The following DOCK5 variants were observed in gnomAD, a reference collection of about 807,000 sequenced individuals.
The protein encoded by DOCK5 is dedicator of cytokinesis 5.
In DOCK5, 142 loss-of-function variants were observed where a neutral mutation model predicts 251.8. The observed-to-expected ratio is 0.56, with a 90% CI of 0.49 to 0.65. DOCK5 has a LOEUF of 0.65. Among genes scored for constraint, DOCK5 ranks in the 30% least tolerant of loss-of-function variants. The pLI is 0.00. For missense variants in DOCK5, 2,111 were observed against 2,312.3 expected (o/e 0.91, Z 1.79); for synonymous variants, 842 against 835.5 (o/e 1.01, Z -0.13).
intron 1 of DOCK5, among the ~76,000 whole-genome samples, chr8:25,220,874 G>T (rs1319913460): frequency 2.0e-5 from 3 of 152,130 alleles, no homozygotes; most frequent in African/African-American, 7.2e-5. Context: ...AAGGTGCTGG[G>T]ATTACAGGCA....
intron 2 of DOCK5, among the ~76,000 whole-genome samples, chr8:25,244,970 T>C (rs933499027): frequency 2.6e-5 from 4 of 152,218 alleles, no homozygotes; most frequent in African/African-American, 9.7e-5. Flanking sequence ...AAAGCATCAA[T>C]TCAAAGTCTC....
chr8:25,184,938 G>A lies in DOCK5; in HGVS notation c.30G>A (p.Gln10=). 2.8e-6 allele frequency: 4 copies of A among 1,442,296 alleles called. No individual in the cohort carries two copies. Among genetic ancestry groups the A allele is most frequent in the Non-Finnish European group, 3.7e-6 (4 of 1,088,866 alleles). 89.3% of individuals were successfully genotyped at this position (1,442,296 alleles called of 1,614,324 possible). MARWIPTKR[Q]KYGVAIYNYN... ...CCCGCTGGATCCCGACCAAGAGGCA[G>A]AAGTACGGGGTTGGTGAGTGCGCGC... is the stretch of plus-strand genomic sequence containing the variant. Residue 10 remains glutamine (Q), a synonymous_variant, in exon 1 of 52, where the codon CAG becomes CAA. Coordinates refer to ENST00000276440, the MANE Select transcript of DOCK5 (RefSeq NM_024940.8).
chr8:25,325,133 G>T (rs1805530231), intron 17 of DOCK5, among the ~76,000 whole-genome samples: 1 of 152,080 alleles, frequency 6.6e-6, no homozygotes, highest in Non-Finnish European at 1.5e-5. Context: ...CAGAGACTAG[G>T]ATATTCTGGT....
At chr8:25,239,720 G>A (rs570260696) in intron 1 of DOCK5, among the ~76,000 whole-genome samples, 1 of 152,232 alleles carries the variant, frequency 6.6e-6, no homozygotes, top group South Asian at 2.1e-4. Flanking sequence ...GAAAGTCTAG[G>A]AATTGGGAAT....
rs1298223385 is a variant in DOCK5, at chr8:25,296,654, G to A, written c.606+6G>A. On this transcript the variant is annotated splice_donor_region_variant and intron_variant, in intron 7 of 51. Coordinates refer to ENST00000276440, the MANE Select transcript of DOCK5 (RefSeq NM_024940.8). Reference sequence around the variant, plus strand: ...AAAAGATCCAAGAAGAGAAGGTACAGTTCCTCAAATGTGAAATTCTGCCCA... The same window carrying A: ...AAAAGATCCAAGAAGAGAAGGTACAATTCCTCAAATGTGAAATTCTGCCCA... 29 of 1,612,010 alleles carry A rather than the reference G, an allele frequency of 1.8e-5. No individual in the cohort carries two copies. The highest frequency in any genetic ancestry group is 2.5e-5 in the Non-Finnish European group (29 of 1,179,066).
intron 5 of DOCK5, among the ~76,000 whole-genome samples, chr8:25,288,472 G>A (rs1481496430): frequency 6.6e-6 from 1 of 152,148 alleles, no homozygotes; most frequent in Non-Finnish European, 1.5e-5. Context: ...GGCTGGTATG[G>A]ACGGGCAATA....
At chr8:25,254,799 A>AAAAAAAAAAAAAC (rs1563326284) in intron 2 of DOCK5, among the ~76,000 whole-genome samples, 3 of 147,820 alleles carry the variant, frequency 2.0e-5, no homozygotes, top group African/African-American at 7.5e-5. Flanking sequence ...AAAACAAAAA[A>AAAAAAAAAAAAAC]AAAAAACATT....
chr8:25,348,633 T>A (rs1233785290), intron 26 of DOCK5, among the ~76,000 whole-genome samples: 1 of 151,634 alleles, frequency 6.6e-6, no homozygotes, highest in Non-Finnish European at 1.5e-5. Context: ...AGATCAGGAG[T>A]TCGAGACCAG....
chr8:25,236,590 A>T (rs909334810), intron 1 of DOCK5, among the ~76,000 whole-genome samples: 14 of 151,318 alleles, frequency 9.3e-5, no homozygotes, highest in African/African-American at 3.4e-4. Flanking sequence ...TCTTTTTTTT[A>T]TTTTTTTTGA....
intron 35 of DOCK5, 25 bp downstream of exon 35, chr8:25,372,743 T>TG (rs775598813): frequency 1.2e-6 from 2 of 1,602,520 alleles, no homozygotes; most frequent in East Asian, 4.5e-5. Context: ...TCCGGTGTGA[T>TG]GGGAGGGTAC....
chr8:25,235,692 A>G (rs548292780), intron 1 of DOCK5, among the ~76,000 whole-genome samples: 1 of 152,280 alleles, frequency 6.6e-6, no homozygotes, highest in African/African-American at 2.4e-5. Context: ...TCAAGAAACA[A>G]TATTTGAGTT....
chr8:25,297,564 T>G (rs1208343004), intron 7 of DOCK5, among the ~76,000 whole-genome samples: 1 of 152,094 alleles, frequency 6.6e-6, no homozygotes, highest in East Asian at 1.9e-4. Context: ...AATTTTTGTA[T>G]TTTTAGTAGA....
chr8:25,232,281 AATGCAATGCAATGCAG>A (rs1287731025), intron 1 of DOCK5, among the ~76,000 whole-genome samples: 10 of 77,474 alleles, frequency 1.3e-4, no homozygotes, highest in African/African-American at 3.2e-4. Context: ...TGCAGAATGC[AATGCAATGCAATGCAG>A]ATGCAATGCA....
intron 47 of DOCK5, among the ~76,000 whole-genome samples, chr8:25,402,631 A>G (rs1226666414): frequency 6.6e-6 from 1 of 151,608 alleles, no homozygotes; most frequent in Non-Finnish European, 1.5e-5. Context: ...TTTTGTAGAG[A>G]TAGAGTCTCC....
chr8:25,255,013 G>A (rs986902482), intron 2 of DOCK5, among the ~76,000 whole-genome samples: 1 of 152,048 alleles, frequency 6.6e-6, no homozygotes, highest in African/African-American at 2.4e-5. Flanking sequence ...ATACTACTGT[G>A]CACCTATTAA....
chr8:25,356,821 G>A (rs956418609), intron 27 of DOCK5, among the ~76,000 whole-genome samples: 1 of 150,252 alleles, frequency 6.7e-6, no homozygotes, highest in Non-Finnish European at 1.5e-5. Flanking sequence ...CTGATTTGAG[G>A]AGGAATAGGA....
chr8:25,189,794 A>T (rs972277001), intron 1 of DOCK5, among the ~76,000 whole-genome samples: 3 of 152,240 alleles, frequency 2.0e-5, no homozygotes, highest in Non-Finnish European at 4.4e-5. Flanking sequence ...AAAGCTCTTT[A>T]GTTGTTTAGA....
At chr8:25,246,092 A>G (rs1035177023) in intron 2 of DOCK5, among the ~76,000 whole-genome samples, 1 of 151,852 alleles carries the variant, frequency 6.6e-6, no homozygotes, top group Non-Finnish European at 1.5e-5. Flanking sequence ...TATTTATTAA[A>G]CCTTTATCAT....
chr8:25,401,364 A>G (rs893651784), intron 47 of DOCK5, among the ~76,000 whole-genome samples: 1 of 152,146 alleles, frequency 6.6e-6, no homozygotes, highest in African/African-American at 2.4e-5. Context: ...GTGGGGCCCA[A>G]GTAGTTGCAA....
Sources: allele counts gnomAD v4.1 joint callset (sites outside exome capture counted in the v4.1 genomes callset), GRCh38; gene constraint gnomAD v4.1.1; transcripts MANE v1.5; gene names NCBI Gene and HGNC (gene_info 2026-07-23, HGNC 2026-07-21).